MROH2B: variants seen among roughly 807,000 people sequenced by gnomAD.
The protein encoded by MROH2B is maestro heat-like repeat-containing protein family member 2B.
In MROH2B, 177 loss-of-function variants were observed where a neutral mutation model predicts 208.6. The ratio of observed to expected loss-of-function variants is 0.85; its 90% confidence interval spans 0.75 to 0.96. MROH2B has a LOEUF of 0.96. Ranked by LOEUF, MROH2B falls within the 40% of genes least tolerant of loss-of-function variation. MROH2B has a pLI of 0.00. For missense variants in MROH2B, 2,002 were observed against 1,878.7 expected (o/e 1.07, Z -1.21); for synonymous variants, 728 against 659.0 (o/e 1.10, Z -1.60).
chr5:40,999,557 G>T, intron 40 of MROH2B, 120 bp downstream of exon 40: 1 of 681,796 alleles, frequency 1.5e-6, no homozygotes, highest in Non-Finnish European at 2.4e-6. Flanking sequence ...GCCCTTTCTG[G>T]GCTTTAATAA....
At chr5:41,054,085 T>C (rs1050496802) in intron 11 of MROH2B, among the ~76,000 whole-genome samples, 3 of 152,018 alleles carry the variant, frequency 2.0e-5, no homozygotes, top group African/African-American at 7.2e-5. Flanking sequence ...GCTCAAGTGA[T>C]TCTTGTGCCT....
At chr5:41,018,051 C>A (rs1742014663) in intron 27 of MROH2B, 81 bp from the exon 28 acceptor site, 1 of 1,470,732 alleles carries the variant, frequency 6.8e-7, no homozygotes, top group South Asian at 1.4e-5. Flanking sequence ...GATCTCAAGT[C>A]TCTTATTTTC....
rs547474882 is a variant in MROH2B at position 41,034,695 on chromosome 5, G to T, written c.2215-831C>A. Among the ~76,000 whole-genome samples the T allele has an allele frequency of 7.9e-5, 12 of 152,018 alleles. No individual in the cohort carries two copies. In the South Asian group the frequency reaches 2.5e-3, roughly 32 times the overall value. ...ACTGGCAAAATGAGTTAATACAGAG[G>T]AAACCCTAAAAACTCCACCAAAAGC... On this transcript the variant is annotated intron_variant, in intron 21 of 41. Coordinates refer to ENST00000399564, the MANE Select transcript of MROH2B (RefSeq NM_173489.5).
In MROH2B at chr5:41,054,808, C is replaced by A; in HGVS notation, c.1066G>T (p.Glu356Ter). The A allele has an allele frequency of 6.2e-7, 1 of 1,611,862 alleles. No homozygotes were observed. Among genetic ancestry groups the A allele is most frequent in the Non-Finnish European group, 8.5e-7 (1 of 1,178,774 alleles). ...CCCATGACGATTTTGACTGTTCTTTCTATTGAAATGATGTGATCCCTCAAC... is the reference window on the plus strand; with the variant it reads ...CCCATGACGATTTTGACTGTTCTTTATATTGAAATGATGTGATCCCTCAAC... ...PRLRDHIISI[E>*]RTVKIVMGDL... The change falls in exon 11 of 42, where the codon GAA becomes TAA. Residue 356 changes from glutamate to a stop codon, truncating the protein, a stop_gained. Transcript: ENST00000399564. LOFTEE classifies it high-confidence loss of function.
At chr5:41,012,529 C>T in intron 30 of MROH2B, 54 bp downstream of exon 30, 1 of 1,559,946 alleles carries the variant, frequency 6.4e-7, no homozygotes, top group Non-Finnish European at 8.7e-7. Context: ...GCTGACTTGG[C>T]ATTTCAGAAG....
chr5:41,027,542 G>T (rs1428045567), intron 24 of MROH2B, among the ~76,000 whole-genome samples: 1 of 152,126 alleles, frequency 6.6e-6, no homozygotes, highest in African/African-American at 2.4e-5. Flanking sequence ...GGAAACAACA[G>T]GTGCTGGAGA....
Position 41,052,361 on chromosome 5 carries a change from C to T in MROH2B, c.1230+104G>A, listed in dbSNP as rs181289208. ...ATTTATTTATTTATTTTTTACTCTA[C>T]TCCTGTGACAGATTAAGGATCCTAA... On this transcript the variant is annotated intron_variant, in intron 12 of 41. Transcript: ENST00000399564. 2,831 of 1,119,426 alleles carry T rather than the reference C, an allele frequency of 2.5e-3. 6 individuals are homozygous for T. The highest frequency in any genetic ancestry group is 3.9e-3 in the Admixed American group (129 of 33,172). The allele number at this position is 1,119,426 out of a possible 1,614,324, so 69.3% of individuals were successfully genotyped here. A position where few individuals can be genotyped will look rare whatever the true frequency, so the allele number is the denominator to read the frequency against.
In MROH2B at chr5:41,015,412, A is replaced by G. The variant is rs750219176; in HGVS notation, c.2951T>C (p.Val984Ala). The change falls in exon 29 of 42, where the codon GTT (valine) becomes GCT (alanine). Residue 984 changes from valine (V) to alanine (A), a missense_variant. Physicochemically the swap from Val to Ala is moderately conservative, Grantham distance 64. Coordinates refer to ENST00000399564, the MANE Select transcript of MROH2B (RefSeq NM_173489.5). ...TATTTTAGAAGAAATCTTGATCTGA[A>G]CCTGCACGTCATCACTTTCCAGCCC... ...QEGLESDDVQ[V>A]QIKISSKIAK... is the part of the protein sequence containing the mutation. The G allele has an allele frequency of 3.1e-6, 5 of 1,613,576 alleles. No homozygotes were observed. Among genetic ancestry groups the G allele is most frequent in the Admixed American group, 1.7e-5 (1 of 59,930 alleles).
At chr5:41,011,665 C>A (rs1380047868) in intron 30 of MROH2B, among the ~76,000 whole-genome samples, 1 of 140,394 alleles carries the variant, frequency 7.1e-6, no homozygotes, top group Non-Finnish European at 1.5e-5. Context: ...AAGATTTTTT[C>A]CTTTTTCTTT....
At position 41,049,346 on chromosome 5, in the gene MROH2B, T is replaced by C. The variant is rs532705289; in HGVS notation, c.1435A>G (p.Met479Val). ...PLFSIIRILI[M>V]AEEKKQHSAK... The stretch of plus-strand genomic sequence containing the variant: ...CTGTGCTGCTTCTTCTCCTCTGCCA[T>C]AATCAGAATTCTGATGATACTAAAC... Residue 479 changes from methionine to valine, a missense_variant, in exon 14 of 42, where the codon ATG becomes GTG. Transcript: ENST00000399564. 2 of 1,613,770 alleles carry C rather than the reference T, an allele frequency of 1.2e-6. No homozygotes were observed. The highest frequency in any genetic ancestry group is 2.7e-5 in the African/African-American group (2 of 75,028).
intron 35 of MROH2B, 152 bp downstream of exon 35, chr5:41,005,379 T>G: frequency 3.4e-6 from 2 of 584,140 alleles, no homozygotes; most frequent in African/African-American, 1.9e-5. Context: ...TTAGGTACCA[T>G]ATATCTGGCA....
intron 16 of MROH2B, 134 bp downstream of exon 16, chr5:41,048,190 C>T (rs1743180013): frequency 1.9e-6 from 2 of 1,072,264 alleles, no homozygotes; most frequent in African/African-American, 1.6e-5. Context: ...AAAAAAATAG[C>T]TATCTACCTT....
At chr5:41,067,726 A>T (rs1743855915) in intron 2 of MROH2B, among the ~76,000 whole-genome samples, 2 of 152,218 alleles carry the variant, frequency 1.3e-5, no homozygotes, top group African/African-American at 2.4e-5. Context: ...TACAGAGCAA[A>T]GTCAATTCTA....
intron 19 of MROH2B, 116 bp downstream of exon 19, chr5:41,041,976 T>C (rs1742967703): frequency 1.8e-6 from 1 of 553,058 alleles, no homozygotes; most frequent in African/African-American, 1.9e-5. Flanking sequence ...TCTGAGTGTA[T>C]TAATTGATAA....
chr5:41,069,022 A>G (rs1378429799), intron 2 of MROH2B, among the ~76,000 whole-genome samples: 1 of 151,280 alleles, frequency 6.6e-6, no homozygotes, highest in Non-Finnish European at 1.5e-5. Context: ...AATGATTAGG[A>G]ACATTTTTTT....
chr5:41,001,826 G>A (rs13170924), intron 37 of MROH2B, among the ~76,000 whole-genome samples: 40,905 of 152,060 alleles, frequency 0.27, 5,690 homozygotes, highest in South Asian at 0.38. Context: ...GGGAAGAAAC[G>A]AAGTGAGATG....
At chr5:41,048,620 A>G (rs1743195236) in intron 15 of MROH2B, among the ~76,000 whole-genome samples, 155 bp from the exon 16 acceptor site, 1 of 152,234 alleles carries the variant, frequency 6.6e-6, no homozygotes, top group African/African-American at 2.4e-5. Context: ...TTCTAGAATG[A>G]AGCTAATACT....
At chr5:41,045,513 A>G (rs967851717) in intron 18 of MROH2B, among the ~76,000 whole-genome samples, 22 of 152,034 alleles carry the variant, frequency 1.4e-4, no homozygotes, top group Admixed American at 1.1e-3. Flanking sequence ...TATCTTATCT[A>G]CCTCTCAGTC....
chr5:41,042,614 GT>G (rs1373721921), intron 18 of MROH2B, among the ~76,000 whole-genome samples: 1 of 151,972 alleles, frequency 6.6e-6, no homozygotes, highest in Non-Finnish European at 1.5e-5. Flanking sequence ...GTTTTGTTTT[GT>G]TTTTTTAAGA....
Sources: allele counts gnomAD v4.1 joint callset (sites outside exome capture counted in the v4.1 genomes callset), GRCh38; gene constraint gnomAD v4.1.1; transcripts MANE v1.5; gene names NCBI Gene and HGNC (gene_info 2026-07-23, HGNC 2026-07-21).